Variants in WDPCP observed in about 807,000 individuals in gnomAD.
The protein encoded by WDPCP is WD repeat-containing and planar cell polarity effector protein fritz homolog.
WDPCP carries 71 observed loss-of-function variants against 93.1 expected under a neutral mutation model. The ratio of observed to expected loss-of-function variants is 0.76; its 90% CI spans 0.63 to 0.93. The LOEUF (loss-of-function observed/expected upper bound fraction) is 0.93. Ranked by LOEUF, WDPCP falls within the 40% of genes least tolerant of loss-of-function variation. The probability of loss-of-function intolerance (pLI) is 0.00; values close to 1 mark genes in which losing one functional copy is unlikely to be tolerated. For synonymous variants in WDPCP, 315 were observed against 315.0 expected, an observed-to-expected ratio of 1.00 and a Z score of 0.00; for missense variants, 844 against 887.4, an observed-to-expected ratio of 0.95 and a Z score of 0.62.
intron 3 of WDPCP, among the ~76,000 whole-genome samples, chr2:63,607,729 C>T (rs1406546947): frequency 1.3e-5 from 2 of 149,222 alleles, no homozygotes; most frequent in African/African-American, 2.5e-5. Flanking sequence ...ACTCGGGAGG[C>T]TGAGGCAGGA....
intron 3 of WDPCP, among the ~76,000 whole-genome samples, chr2:63,603,210 C>A (rs1452819334): frequency 6.6e-6 from 1 of 152,144 alleles, no homozygotes; most frequent in East Asian, 1.9e-4. Flanking sequence ...CCCACCTCGG[C>A]CTCCCAAAGT....
chr2:63,474,883 T>G (rs528481937), intron 6 of WDPCP, among the ~76,000 whole-genome samples: 231 of 152,272 alleles, frequency 1.5e-3, no homozygotes, highest in Non-Finnish European at 2.5e-3. Flanking sequence ...AGTAAATGTC[T>G]GCACAGTAAA....
intron 15 of WDPCP, among the ~76,000 whole-genome samples, chr2:63,159,720 T>G (rs1394705979): frequency 6.6e-6 from 1 of 152,222 alleles, no homozygotes; most frequent in East Asian, 1.9e-4. Context: ...TCGTGCTATT[T>G]GGTGATATCT....
chr2:63,796,636 A>T (rs1670621623), intron 2 of WDPCP, among the ~76,000 whole-genome samples: 1 of 152,236 alleles, frequency 6.6e-6, no homozygotes, highest in Non-Finnish European at 1.5e-5. Flanking sequence ...CATGGGGCAG[A>T]AGTCAGCCAG....
At chr2:63,256,512 T>TTAAC (rs1234387256) in intron 14 of WDPCP, among the ~76,000 whole-genome samples, 1 of 152,174 alleles carries the variant, frequency 6.6e-6, no homozygotes, top group African/African-American at 2.4e-5. Flanking sequence ...AGGGAAATTG[T>TTAAC]TAACAACTAC....
intron 14 of WDPCP, among the ~76,000 whole-genome samples, chr2:63,203,529 T>A (rs1676088231): frequency 6.6e-6 from 1 of 152,150 alleles, no homozygotes; most frequent in South Asian, 2.1e-4. Context: ...GCTCTTTTAG[T>A]TATTTTAAAA....
intron 14 of WDPCP, among the ~76,000 whole-genome samples, chr2:63,209,743 A>G (rs764364868): frequency 1.3e-5 from 2 of 152,262 alleles, no homozygotes; most frequent in Non-Finnish European, 2.9e-5. Flanking sequence ...TAGTAAAAAC[A>G]AGGAATAATC....
At chr2:63,744,989 A>C (rs1669774152) in intron 2 of WDPCP, among the ~76,000 whole-genome samples, 3 of 152,116 alleles carry the variant, frequency 2.0e-5, no homozygotes, top group African/African-American at 7.2e-5. Context: ...ATTACTTTAA[A>C]TTTCTCTGAT....
At position 63,122,017 on chromosome 2, in the gene WDPCP, C is replaced by G; in HGVS notation, c.2230G>C (p.Gly744Arg). Residue 744 changes from glycine (G) to arginine (R), a missense_variant, in exon 18 of 18, where the codon GGT becomes CGT. Physicochemically the swap from Gly to Arg is moderately radical, Grantham distance 125. Coordinates refer to ENST00000272321, the MANE Select transcript of WDPCP (RefSeq NM_015910.7). ...TTTTTTCTTAATGTTTACACCAGACCAAAGTGAATCATTTTGAGAGAACCA... is the reference window on the plus strand; with the variant it reads ...TTTTTTCTTAATGTTTACACCAGACGAAAGTGAATCATTTTGAGAGAACCA... ...DGGSLKMIHFGLV is the reference protein window; with the variant it reads ...DGGSLKMIHFRLV 6.2e-7 allele frequency: 1 copy of G among 1,613,226 alleles called. No individual in the cohort carries two copies. Among genetic ancestry groups the G allele is most frequent in the Non-Finnish European group, 8.5e-7 (1 of 1,179,620 alleles).
chr2:63,596,984 T>C (rs948164189), intron 3 of WDPCP, among the ~76,000 whole-genome samples: 6 of 152,180 alleles, frequency 3.9e-5, no homozygotes, highest in Admixed American at 1.3e-4. Flanking sequence ...TCAATAAACA[T>C]TTATTATTTT....
At chr2:63,741,903 G>T (rs1228748230) in intron 2 of WDPCP, among the ~76,000 whole-genome samples, 1 of 152,012 alleles carries the variant, frequency 6.6e-6, no homozygotes, top group Non-Finnish European at 1.5e-5. Flanking sequence ...ATTAAAATTG[G>T]ATCATACAAC....
intron 9 of WDPCP, among the ~76,000 whole-genome samples, chr2:63,428,393 A>T: frequency 6.6e-6 from 1 of 152,192 alleles, no homozygotes; most frequent in Non-Finnish European, 1.5e-5. Context: ...CACCACAATC[A>T]AGTAGGTTTT....
Position 63,484,683 on chromosome 2 carries a change from G to C in WDPCP, c.325-20C>G, listed in dbSNP as rs1316204517. On this transcript the variant is annotated intron_variant, in intron 5 of 17. Coordinates refer to ENST00000272321, the MANE Select transcript of WDPCP (RefSeq NM_015910.7). ...CAGCTCCTGAAGCACAACAGAAAAAGAGAGAGCGTAGTTGGCTGTACACAT... is the reference window on the plus strand; with the variant it reads ...CAGCTCCTGAAGCACAACAGAAAAACAGAGAGCGTAGTTGGCTGTACACAT... 1.2e-6 allele frequency: 2 copies of C among 1,612,600 alleles called. No homozygotes were observed. Among genetic ancestry groups the C allele is most frequent in the Non-Finnish European group, 1.7e-6 (2 of 1,179,162 alleles).
chr2:63,255,913 G>GA (rs767694412), intron 14 of WDPCP, among the ~76,000 whole-genome samples: 20 of 151,978 alleles, frequency 1.3e-4, no homozygotes, highest in Admixed American at 3.3e-4. Flanking sequence ...AACAGAAAAT[G>GA]AAATTTAAAA....
intron 1 of WDPCP, among the ~76,000 whole-genome samples, chr2:63,553,537 T>A (rs889722279): frequency 3.3e-5 from 5 of 152,162 alleles, no homozygotes; most frequent in African/African-American, 2.4e-5. Context: ...AATATCAACA[T>A]GTCTCATGTT....
chr2:63,295,123 A>G (rs1052116242), intron 13 of WDPCP, among the ~76,000 whole-genome samples: 1 of 152,178 alleles, frequency 6.6e-6, no homozygotes, highest in Non-Finnish European at 1.5e-5. Context: ...TGTAATCCCC[A>G]TGATAACTGC....
intron 1 of WDPCP, among the ~76,000 whole-genome samples, chr2:63,544,545 T>C (rs917578272): frequency 2.0e-5 from 3 of 152,114 alleles, no homozygotes; most frequent in Admixed American, 6.6e-5. Context: ...TATTTCAATG[T>C]CAAAATTAAT....
At chr2:63,345,301 A>G (rs1423909026) in intron 12 of WDPCP, among the ~76,000 whole-genome samples, 3 of 152,184 alleles carry the variant, frequency 2.0e-5, no homozygotes, top group Non-Finnish European at 4.4e-5. Context: ...ATTCAGAAAG[A>G]GCAATACTAA....
chr2:63,762,297 T>C (rs1240026994), intron 2 of WDPCP, among the ~76,000 whole-genome samples: 1 of 152,234 alleles, frequency 6.6e-6, no homozygotes, highest in African/African-American at 2.4e-5. Flanking sequence ...GGTTTTTCTG[T>C]GGCCCTTTGA....
Sources: allele counts gnomAD v4.1 joint callset (sites outside exome capture counted in the v4.1 genomes callset), GRCh38; gene constraint gnomAD v4.1.1; transcripts MANE v1.5; gene names NCBI Gene and HGNC (gene_info 2026-07-23, HGNC 2026-07-21).